Variants in ATG10 observed in about 807,000 individuals in gnomAD.
The protein encoded by ATG10 is autophagy related 10.
In ATG10, 30 loss-of-function variants were observed where a neutral mutation model predicts 32.1. That is an observed-to-expected ratio of 0.94 (90% CI 0.70 to 1.27). ATG10 has a LOEUF of 1.27. Ranked by LOEUF, ATG10 falls within the 50% of genes most tolerant of loss-of-function variation. The probability of loss-of-function intolerance (pLI) is 0.00; values close to 1 mark genes in which losing one functional copy is unlikely to be tolerated. For missense variants in ATG10, 233 were observed against 262.3 expected (o/e 0.89, Z 0.77); for synonymous variants, 87 against 91.5 (o/e 0.95, Z 0.28).
intron 3 of ATG10, among the ~76,000 whole-genome samples, chr5:82,138,616 G>C (rs1386783226): frequency 6.6e-6 from 1 of 152,110 alleles, no homozygotes; most frequent in Non-Finnish European, 1.5e-5. Context: ...GAAATCACCT[G>C]CCTATTGCGT....
chr5:82,158,121 A>G (rs373955465), intron 3 of ATG10, among the ~76,000 whole-genome samples: 6 of 152,278 alleles, frequency 3.9e-5, no homozygotes, highest in African/African-American at 1.4e-4. Context: ...TGTAAAGCTT[A>G]ATTCGTATCA....
At chr5:82,236,155 G>A (rs1746543307) in intron 5 of ATG10, among the ~76,000 whole-genome samples, 1 of 152,008 alleles carries the variant, frequency 6.6e-6, no homozygotes, top group African/African-American at 2.4e-5. Flanking sequence ...GGGGTGGGTT[G>A]TTCAGTCTTA....
intron 4 of ATG10, among the ~76,000 whole-genome samples, chr5:82,172,996 T>C (rs1405682614): frequency 1.3e-5 from 2 of 152,190 alleles, no homozygotes; most frequent in Non-Finnish European, 2.9e-5. Flanking sequence ...TGACATGAAT[T>C]TTTATATCTT....
chr5:82,151,214 T>C (rs968329894), intron 3 of ATG10, among the ~76,000 whole-genome samples: 1 of 152,194 alleles, frequency 6.6e-6, no homozygotes, highest in Non-Finnish European at 1.5e-5. Flanking sequence ...TTGAAAATTT[T>C]AATATAATTT....
At chr5:82,093,167 A>G (rs189404695) in intron 3 of ATG10, among the ~76,000 whole-genome samples, 61 of 152,276 alleles carry the variant, frequency 4.0e-4, no homozygotes, top group Admixed American at 1.1e-3. Context: ...AACTTGTTAC[A>G]TATGTGGTTT....
intron 3 of ATG10, among the ~76,000 whole-genome samples, chr5:82,134,958 T>C (rs1374107969): frequency 1.4e-5 from 2 of 142,606 alleles, no homozygotes; most frequent in Non-Finnish European, 3.0e-5. Flanking sequence ...CTTCAGAGAG[T>C]GTATTTGTCT....
At chr5:81,972,817 G>T (rs1168430314) in intron 1 of ATG10, among the ~76,000 whole-genome samples, 2 of 152,054 alleles carry the variant, frequency 1.3e-5, no homozygotes, top group Non-Finnish European at 2.9e-5. Context: ...GAGGACCGGA[G>T]AATGATAAAG....
At chr5:82,198,432 T>C (rs1744943147) in intron 5 of ATG10, among the ~76,000 whole-genome samples, 1 of 152,026 alleles carries the variant, frequency 6.6e-6, no homozygotes, top group Admixed American at 6.6e-5. Context: ...CTGGCTAATT[T>C]TTGTATTTTT....
At chr5:82,000,624 G>A (rs983176359) in intron 2 of ATG10, among the ~76,000 whole-genome samples, 1 of 152,134 alleles carries the variant, frequency 6.6e-6, no homozygotes, top group Non-Finnish European at 1.5e-5. Context: ...CAAAGTTTCA[G>A]GATACAAAAT....
At chr5:82,030,556 C>T (rs979688067) in intron 2 of ATG10, among the ~76,000 whole-genome samples, 24 of 152,272 alleles carry the variant, frequency 1.6e-4, no homozygotes, top group African/African-American at 5.1e-4. Context: ...GTTTTGCTAA[C>T]TTCTCATTGG....
chr5:82,197,722 CTATCTAT>C (rs1284921271), intron 5 of ATG10, among the ~76,000 whole-genome samples: 1 of 53,404 alleles, frequency 1.9e-5, no homozygotes, highest in Non-Finnish European at 3.7e-5. Flanking sequence ...TTCTTTCTTT[CTATCTAT>C]CTATCTATCT....
intron 2 of ATG10, among the ~76,000 whole-genome samples, chr5:82,042,812 G>A (rs1369306266): frequency 6.6e-6 from 1 of 152,106 alleles, no homozygotes; most frequent in Non-Finnish European, 1.5e-5. Context: ...TGATGCAAGG[G>A]GTGGGCTCCC....
chr5:82,162,123 T>C (rs1032851382), intron 3 of ATG10, among the ~76,000 whole-genome samples: 4 of 152,182 alleles, frequency 2.6e-5, no homozygotes, highest in Non-Finnish European at 5.9e-5. Context: ...CCTATTTTTC[T>C]ATGGTGCAGA....
intron 4 of ATG10, among the ~76,000 whole-genome samples, chr5:82,168,151 A>G (rs926915709): frequency 6.6e-6 from 1 of 151,724 alleles, no homozygotes; most frequent in African/African-American, 2.4e-5. Flanking sequence ...CCTTCTATCC[A>G]TTCCCTACCA....
chr5:82,221,523 C>G (rs1457730836), intron 5 of ATG10, among the ~76,000 whole-genome samples: 1 of 152,130 alleles, frequency 6.6e-6, no homozygotes, highest in Non-Finnish European at 1.5e-5. Flanking sequence ...ATCACAGGGA[C>G]AGAGCAACCT....
intron 2 of ATG10, among the ~76,000 whole-genome samples, chr5:82,019,555 C>T (rs1479889783): frequency 1.3e-5 from 2 of 152,140 alleles, no homozygotes; most frequent in Non-Finnish European, 2.9e-5. Flanking sequence ...GGAACCATTC[C>T]TGAAGAACTG....
chr5:82,110,620 A>G (rs1765587725), intron 3 of ATG10, among the ~76,000 whole-genome samples: 1 of 151,960 alleles, frequency 6.6e-6, no homozygotes. Context: ...GTCTGTTCAT[A>G]TCCTTTGCCC....
intron 3 of ATG10, among the ~76,000 whole-genome samples, chr5:82,122,417 C>T (rs1405067637): frequency 2.0e-5 from 3 of 151,984 alleles, no homozygotes; most frequent in East Asian, 3.9e-4. Context: ...CACTGGAAGA[C>T]AACATAGGAA....
chr5:81,975,808 A>G (rs1237414570), intron 1 of ATG10, among the ~76,000 whole-genome samples: 1 of 151,660 alleles, frequency 6.6e-6, no homozygotes, highest in East Asian at 1.9e-4. Context: ...TGTAGCTTAG[A>G]GTTTTAAATT....
Sources: gnomAD v4.1 joint callset for allele counts (sites outside exome capture counted in the v4.1 genomes callset) on GRCh38, gnomAD v4.1.1 for gene constraint, MANE v1.5 for transcripts, NCBI Gene and HGNC (gene_info 2026-07-23, HGNC 2026-07-21) for gene names.